The following BNIP5 variants were observed in gnomAD, a reference collection of about 807,000 sequenced individuals.
BNIP5 encodes the protein protein BNIP5.
In BNIP5, 61 loss-of-function variants were observed where a neutral mutation model predicts 67.3. The observed-to-expected ratio is 0.91, with a 90% CI of 0.74 to 1.12. The LOEUF (loss-of-function observed/expected upper bound fraction) is 1.12, where lower values mean the gene tolerates loss of function less well. Among genes scored for constraint, BNIP5 ranks in the 50% most tolerant of loss-of-function variants. The pLI, the probability that BNIP5 is intolerant of heterozygous loss-of-function variation, is 0.00. For synonymous variants in BNIP5, 317 were observed against 319.0 expected (o/e 0.99, Z 0.07); for missense variants, 826 against 816.3 (o/e 1.01, Z -0.14).
chr6:36,325,183 C>G, intron 6 of BNIP5, 100 bp downstream of exon 6: 1 of 1,340,052 alleles, frequency 7.5e-7, no homozygotes, highest in African/African-American at 1.4e-5. Context: ...GAGGTCTGGA[C>G]AGGTCACTGC....
rs181063776 is a variant in BNIP5, at chr6:36,317,342, G to A, written c.*14C>T. On this transcript the variant is annotated 3_prime_UTR_variant, in exon 12 of 12. Coordinates refer to ENST00000437635, the MANE Select transcript of BNIP5 (RefSeq NM_001010903.5). ...TTGGCTAGTTCAAGGGAATTTGAGTGCAAGACACAGCTTTCAATCTGGACT... is the reference window on the plus strand; with the variant it reads ...TTGGCTAGTTCAAGGGAATTTGAGTACAAGACACAGCTTTCAATCTGGACT... The A allele has an allele frequency of 6.2e-7, 1 of 1,610,764 alleles. No homozygotes were observed. Among genetic ancestry groups the A allele is most frequent in the Non-Finnish European group, 8.5e-7 (1 of 1,177,032 alleles).
intron 10 of BNIP5, 147 bp downstream of exon 10, chr6:36,321,008 C>G (rs1771624131): frequency 3.3e-6 from 2 of 609,538 alleles, no homozygotes; most frequent in East Asian, 2.8e-5. Context: ...GTAGGTAATT[C>G]TCTCTCATTT....
intron 1 of BNIP5, among the ~76,000 whole-genome samples, chr6:36,331,070 C>CA (rs1771895625): frequency 6.6e-6 from 1 of 152,056 alleles, no homozygotes; most frequent in Non-Finnish European, 1.5e-5. Flanking sequence ...GGCCAAACAG[C>CA]TCCCTCAGCA....
At chr6:36,318,264 A>G (rs1771561086) in intron 11 of BNIP5, among the ~76,000 whole-genome samples, 1 of 152,366 alleles carries the variant, frequency 6.6e-6, no homozygotes, top group African/African-American at 2.4e-5. Flanking sequence ...CAAACAGAAC[A>G]TTTCATTCCT....
rs758606753 is a variant in BNIP5 at position 36,330,293 on chromosome 6, G to A, written c.398C>T (p.Pro133Leu). 49 of 1,614,004 alleles carry A rather than the reference G, an allele frequency of 3.0e-5. No individual in the cohort carries two copies. The highest frequency in any genetic ancestry group is 1.6e-4 in the Middle Eastern group (1 of 6,084). ...CTCCCCTGCTGCTTCCAGGGGCTCC[G>A]GATGCTGGGAGATACCCTCCTTCCC... is the stretch of plus-strand genomic sequence containing the variant. The part of the protein sequence containing the change: ...PRGKEGISQH[P>L]EPLEAAGEPA... The change falls in exon 2 of 12, where the codon CCG (proline) becomes CTG (leucine). Residue 133 changes from proline (P) to leucine (L), a missense_variant. Physicochemically the swap from Pro to Leu is moderately conservative, Grantham distance 98. Transcript: ENST00000437635.
In BNIP5 at chr6:36,316,275, G is replaced by C. The variant is rs963337805; in HGVS notation, c.*1081C>G. The C allele has an allele frequency of 5.3e-6, 2 of 380,442 alleles. No individual in the cohort carries two copies. Among genetic ancestry groups the C allele is most frequent in the African/African-American group, 2.1e-5 (1 of 48,312 alleles). The allele number at this position is 380,442 out of a possible 1,614,324, so 23.6% of individuals were successfully genotyped here. On this transcript the variant is annotated 3_prime_UTR_variant, in exon 12 of 12. Coordinates refer to ENST00000437635, the MANE Select transcript of BNIP5 (RefSeq NM_001010903.5). ...TGGGCAGTGTCCAAGGGAGCCGACT[G>C]TCTGTCTACAGTCTTGTCCTTCCTG...
Position 36,325,341 on chromosome 6 carries a change from G to T in BNIP5, c.1110C>A (p.Thr370=). The change falls in exon 6 of 12, where the codon ACC becomes ACA. Residue 370 remains threonine (T), a synonymous_variant. Transcript: ENST00000437635. ...CTCCAGGTTCCTGGCTCTCTGATGG[G>T]GTGGGAAGCACGGAGGGACCTGGAG... ...AGAPGPSVLP[T]PSESQEPGEE... is the part of the protein sequence containing the mutation. 1 of 1,614,134 alleles carries T rather than the reference G, an allele frequency of 6.2e-7. No individual in the cohort carries two copies. The highest frequency in any genetic ancestry group is 8.5e-7 in the Non-Finnish European group (1 of 1,179,982).
chr6:36,330,765 GTTTGTT>G, intron 1 of BNIP5, 71 bp from the exon 2 acceptor site: 6 of 1,495,690 alleles, frequency 4.0e-6, no homozygotes, highest in Non-Finnish European at 5.3e-6. Context: ...TGTTTGTTTT[GTTTGTT>G]TTTGTTTTTT....
At position 36,317,839 on chromosome 6, in the gene BNIP5, G is replaced by A. The variant is rs552447588; in HGVS notation, c.1924-448C>T. Among the ~76,000 whole-genome samples the A allele has an allele frequency of 4.6e-3, 693 of 151,954 alleles. 3 individuals are homozygous for A. Among genetic ancestry groups the A allele is most frequent in the Non-Finnish European group, 8.1e-3 (550 of 67,830 alleles). On this transcript the variant is annotated intron_variant, in intron 11 of 11. Coordinates refer to ENST00000437635, the MANE Select transcript of BNIP5 (RefSeq NM_001010903.5). ...GAATGAATGAATGAATGAATGGTTA[G>A]TAAAACCAGAAGATGGAGTCAGGGC...
rs9368921 is a variant in BNIP5, at chr6:36,323,694, G to A, written c.1231-161C>T. Among the ~76,000 whole-genome samples, 23 of 152,202 alleles carry A rather than the reference G, an allele frequency of 1.5e-4. No individual in the cohort carries two copies. In the East Asian group the frequency reaches 2.9e-3, roughly 19 times the overall value. Reference sequence around the variant, plus strand: ...TATGTGTGGTCTGGAGGGGGCTGGGGAAGCTTCAAGAAGGAGGGACTGGGT... The same window carrying A: ...TATGTGTGGTCTGGAGGGGGCTGGGAAAGCTTCAAGAAGGAGGGACTGGGT... On this transcript the variant is annotated intron_variant, in intron 7 of 11. Coordinates refer to ENST00000437635, the MANE Select transcript of BNIP5 (RefSeq NM_001010903.5).
intron 9 of BNIP5, among the ~76,000 whole-genome samples, chr6:36,322,066 A>G (rs1771647910): frequency 6.6e-6 from 1 of 152,212 alleles, no homozygotes; most frequent in African/African-American, 2.4e-5. Flanking sequence ...CATTCAAGCA[A>G]ACGAATGGGG....
chr6:36,323,825 C>T (rs371847223), intron 7 of BNIP5, among the ~76,000 whole-genome samples: 1 of 152,024 alleles, frequency 6.6e-6, no homozygotes, highest in African/African-American at 2.4e-5. Flanking sequence ...TATGGTAAAA[C>T]CCTGTCTCTA....
Position 36,321,144 on chromosome 6 carries a change from G to A in BNIP5, c.1668+11C>T, listed in dbSNP as rs371145316. ...CTGGGGTTGGCCTGGGGAGGGCTGA[G>A]TGGTACTCACCTGCTGCCCCAGTTG... On this transcript the variant is annotated intron_variant, in intron 10 of 11. Coordinates refer to ENST00000437635, the MANE Select transcript of BNIP5 (RefSeq NM_001010903.5). The A allele has an allele frequency of 8.3e-6, 13 of 1,574,512 alleles. No individual in the cohort carries two copies. The highest frequency in any genetic ancestry group is 1.1e-5 in the Non-Finnish European group (13 of 1,158,322).
chr6:36,335,174 T>G (rs1771986542), intron 1 of BNIP5, among the ~76,000 whole-genome samples: 1 of 152,250 alleles, frequency 6.6e-6, no homozygotes, highest in Non-Finnish European at 1.5e-5. Flanking sequence ...TGCTGTGTGT[T>G]GTTTACTTTC....
intron 1 of BNIP5, among the ~76,000 whole-genome samples, chr6:36,336,052 T>C (rs540720222): frequency 6.6e-6 from 1 of 152,248 alleles, no homozygotes; most frequent in Admixed American, 6.5e-5. Flanking sequence ...TTCTGTCCTC[T>C]ATCCAAGACC....
Position 36,327,104 on chromosome 6 carries a change from A to G in BNIP5, c.728-10T>C, listed in dbSNP as rs1183525405. The stretch of plus-strand genomic sequence containing the variant: ...TGAATGATAGCATCCTCTGGAAGAA[A>G]GCAAATGCATCCGGTTATTCTTTCT... On this transcript the variant is annotated splice_polypyrimidine_tract_variant and intron_variant, in intron 3 of 11. Coordinates refer to ENST00000437635, the MANE Select transcript of BNIP5 (RefSeq NM_001010903.5). 18 of 1,611,736 alleles carry G rather than the reference A, an allele frequency of 1.1e-5. No homozygotes were observed. In the East Asian group the frequency reaches 4.0e-4, roughly 36 times the overall value.
chr6:36,327,214 C>T (rs898017899), intron 3 of BNIP5, 120 bp from the exon 4 acceptor site: 4 of 884,476 alleles, frequency 4.5e-6, no homozygotes, highest in Non-Finnish European at 7.2e-6. Flanking sequence ...AGGGAAAGCA[C>T]CACATCCCAG....
rs746869392 is a variant in BNIP5 at position 36,321,177 on chromosome 6, A to T, written c.1646T>A (p.Val549Glu). The change falls in exon 10 of 12, where the codon GTG (valine) becomes GAG (glutamate). Residue 549 changes from valine to glutamate, a missense_variant. Physicochemically the swap from Val to Glu is moderately radical, Grantham distance 121. Transcript: ENST00000437635. ...CACCTGCTGCCCCAGTTGGCCATCC[A>T]CTTCTTGGAGAAGTGCCACAAGCTT... is the stretch of plus-strand genomic sequence containing the variant. ...IQKLVALLQE[V>E]DGQLGQQIRR... 6.3e-7 allele frequency: 1 copy of T among 1,595,936 alleles called. No homozygotes were observed. The highest frequency in any genetic ancestry group is 8.5e-7 in the Non-Finnish European group (1 of 1,170,680).
chr6:36,328,799 G>T, intron 2 of BNIP5, 85 bp from the exon 3 acceptor site: 2 of 859,832 alleles, frequency 2.3e-6, no homozygotes, highest in South Asian at 1.4e-5. Context: ...TCATCAACAC[G>T]AGAAAACAGC....
Sources: allele counts gnomAD v4.1 joint callset (sites outside exome capture counted in the v4.1 genomes callset), GRCh38; gene constraint gnomAD v4.1.1; transcripts MANE v1.5; gene names NCBI Gene and HGNC (gene_info 2026-07-23, HGNC 2026-07-21).